The following PLS1 variants were observed in gnomAD, a reference collection of about 807,000 sequenced individuals.
PLS1 encodes plastin 1.
PLS1 carries 32 observed loss-of-function variants against 73.7 expected under a neutral mutation model. That is an observed-to-expected ratio of 0.43 (90% confidence interval 0.33 to 0.58). PLS1 has a LOEUF of 0.58. Among genes scored for constraint, PLS1 ranks in the 20% least tolerant of loss-of-function variants. The pLI is 0.04. For missense variants in PLS1, 633 were observed against 740.5 expected, an observed-to-expected ratio of 0.85 and a Z score of 1.68; for synonymous variants, 217 against 261.3, an observed-to-expected ratio of 0.83 and a Z score of 1.63.
chr3:142,672,035 C>G (rs2037613626), intron 4 of PLS1, among the ~76,000 whole-genome samples: 1 of 152,114 alleles, frequency 6.6e-6, no homozygotes, highest in Non-Finnish European at 1.5e-5. Context: ...TTCTGCCTGT[C>G]AATTCTACTG....
At chr3:142,659,771 A>G (rs1240536163) in intron 1 of PLS1, among the ~76,000 whole-genome samples, 3 of 150,724 alleles carry the variant, frequency 2.0e-5, no homozygotes, top group African/African-American at 7.3e-5. Context: ...ATCTTGGCTC[A>G]CTGTAACCTC....
chr3:142,618,181 G>A (rs1035035034), intron 1 of PLS1, among the ~76,000 whole-genome samples: 4 of 152,060 alleles, frequency 2.6e-5, no homozygotes, highest in African/African-American at 9.7e-5. Context: ...CATCTAATAT[G>A]TATATGTTAT....
intron 1 of PLS1, among the ~76,000 whole-genome samples, chr3:142,657,548 C>T (rs1022172972): frequency 5.3e-5 from 8 of 152,280 alleles, no homozygotes; most frequent in East Asian, 3.9e-4. Flanking sequence ...TGTACAGTGG[C>T]GCGATCTCTG....
At chr3:142,630,117 C>G (rs964511350) in intron 1 of PLS1, among the ~76,000 whole-genome samples, 3 of 151,732 alleles carry the variant, frequency 2.0e-5, no homozygotes, top group African/African-American at 4.8e-5. Context: ...CCTACAGAAA[C>G]AGAAAAAAAA....
At chr3:142,660,702 TTC>T (rs2037351923) in intron 1 of PLS1, among the ~76,000 whole-genome samples, 1 of 152,220 alleles carries the variant, frequency 6.6e-6, no homozygotes, top group African/African-American at 2.4e-5. Flanking sequence ...TTTTATATTT[TTC>T]TGTTTGTTTC....
intron 1 of PLS1, among the ~76,000 whole-genome samples, chr3:142,627,600 CAT>C (rs2036456758): frequency 6.6e-6 from 1 of 151,812 alleles, no homozygotes; most frequent in Non-Finnish European, 1.5e-5. Context: ...TATATGTGTA[CAT>C]GTTTGCTTTT....
At chr3:142,685,873 G>A (rs1443676743) in intron 8 of PLS1, among the ~76,000 whole-genome samples, 1 of 152,208 alleles carries the variant, frequency 6.6e-6, no homozygotes, top group Non-Finnish European at 1.5e-5. Flanking sequence ...TGATTTAATA[G>A]TGTGATCACT....
Position 142,676,085 on chromosome 3 carries a change from A to G in PLS1, c.365-72A>G, listed in dbSNP as rs375356800. 1.1e-4 allele frequency: 130 copies of G among 1,167,708 alleles called. No individual in the cohort carries two copies. The East Asian group carries it at 2.8e-3, about 25-fold the overall frequency. The allele number at this position is 1,167,708 out of a possible 1,614,324, so 72.3% of individuals were successfully genotyped here. On this transcript the variant is annotated intron_variant, in intron 4 of 15. Coordinates refer to ENST00000457734, the MANE Select transcript of PLS1 (RefSeq NM_001145319.2). ...AACAAGTATGTTTTTGTAGTGCAAT[A>G]GCTATGTATGTTTTTATAGTGCAAT...
intron 1 of PLS1, among the ~76,000 whole-genome samples, chr3:142,611,739 T>C (rs2036124678): frequency 6.6e-6 from 1 of 152,212 alleles, no homozygotes; most frequent in Admixed American, 6.5e-5. Flanking sequence ...TGAGGACCAT[T>C]GATTTTATGA....
chr3:142,699,105 T>C (rs892690563), intron 12 of PLS1, among the ~76,000 whole-genome samples: 4 of 151,240 alleles, frequency 2.6e-5, no homozygotes, highest in South Asian at 4.2e-4. Context: ...CTGTCAGGGG[T>C]TGGGGGGCAA....
rs530132578 is a variant in PLS1 at position 142,612,745 on chromosome 3, T to C, written c.-37+16236T>C. Reference sequence around the variant, plus strand: ...TCAAAAAAAGAAAAAAAAAATCCCTTATTTAACTTTGAGCCTGTTTTATAT... The same window carrying C: ...TCAAAAAAAGAAAAAAAAAATCCCTCATTTAACTTTGAGCCTGTTTTATAT... On this transcript the variant is annotated intron_variant, in intron 1 of 15. Coordinates refer to ENST00000457734, the MANE Select transcript of PLS1 (RefSeq NM_001145319.2). 4.6e-5 allele frequency among the ~76,000 whole-genome samples: 7 copies of C among 152,118 alleles called. No individual in the cohort carries two copies. In the East Asian group the frequency reaches 1.2e-3, roughly 25 times the overall value.
intron 15 of PLS1, 122 bp downstream of exon 15, chr3:142,711,747 T>C (rs937586608): frequency 1.1e-5 from 14 of 1,317,656 alleles, no homozygotes; most frequent in African/African-American, 2.9e-5. Flanking sequence ...GAGTCTTAGA[T>C]TTAAGACTCA....
At chr3:142,669,625 C>A in intron 3 of PLS1, 72 bp downstream of exon 3, 3 of 1,022,018 alleles carry the variant, frequency 2.9e-6, no homozygotes, top group Non-Finnish European at 4.2e-6. Flanking sequence ...TCATCACTAG[C>A]TTTGGTTAAA....
At chr3:142,655,271 G>GT in intron 1 of PLS1, among the ~76,000 whole-genome samples, 1 of 152,330 alleles carries the variant, frequency 6.6e-6, no homozygotes, top group South Asian at 2.1e-4. Context: ...AAGCTGTCAA[G>GT]TTGAGAGTGG....
At chr3:142,701,125 C>T (rs1035571277) in intron 12 of PLS1, among the ~76,000 whole-genome samples, 4 of 152,310 alleles carry the variant, frequency 2.6e-5, no homozygotes, top group African/African-American at 7.2e-5. Flanking sequence ...TGTGAGACTG[C>T]ACTCCAAGTT....
At chr3:142,648,500 C>T (rs1249346479) in intron 1 of PLS1, among the ~76,000 whole-genome samples, 1 of 152,074 alleles carries the variant, frequency 6.6e-6, no homozygotes, top group African/African-American at 2.4e-5. Flanking sequence ...ATATTTTCCT[C>T]CTCCAGGATT....
At chr3:142,660,562 G>T (rs1393318463) in intron 1 of PLS1, among the ~76,000 whole-genome samples, 1 of 152,124 alleles carries the variant, frequency 6.6e-6, no homozygotes, top group Non-Finnish European at 1.5e-5. Context: ...CACCACCTCT[G>T]CCCAGCATGG....
At chr3:142,677,289 G>C (rs566216237) in intron 5 of PLS1, among the ~76,000 whole-genome samples, 1 of 152,182 alleles carries the variant, frequency 6.6e-6, no homozygotes, top group South Asian at 2.1e-4. Flanking sequence ...GAATTTCTTT[G>C]TTTTAGGCTG....
intron 2 of PLS1, among the ~76,000 whole-genome samples, chr3:142,666,281 A>G (rs1241398214): frequency 6.6e-6 from 1 of 152,162 alleles, no homozygotes; most frequent in African/African-American, 2.4e-5. Context: ...CCTTTCCCAA[A>G]CTGAAACTCC....
Sources: gnomAD v4.1 joint callset for allele counts (sites outside exome capture counted in the v4.1 genomes callset) on GRCh38, gnomAD v4.1.1 for gene constraint, MANE v1.5 for transcripts, NCBI Gene and HGNC (gene_info 2026-07-23, HGNC 2026-07-21) for gene names.